The following HYDIN variants were observed in gnomAD, a reference collection of about 807,000 sequenced individuals.
The protein encoded by HYDIN is axonemal central pair apparatus protein HYDIN.
In HYDIN, 132 loss-of-function variants were observed where a neutral mutation model predicts 403.9. That is an observed-to-expected ratio of 0.33 (90% confidence interval 0.28 to 0.38). The LOEUF is 0.38. Ranked by LOEUF, HYDIN falls within the 10% of genes least tolerant of loss-of-function variation. The pLI is 1.00. For missense variants in HYDIN, 2,827 were observed against 5,009.5 expected (o/e 0.56, Z 13.15); for synonymous variants, 1,202 against 1,891.7 (o/e 0.64, Z 9.46).
At position 71,093,949 on chromosome 16, in the gene HYDIN, T is replaced by G; in HGVS notation, c.1328-14A>C. On this transcript the variant is annotated splice_polypyrimidine_tract_variant and intron_variant, in intron 10 of 85. Transcript: ENST00000393567. ...GGATTTCTCGGCCTAGAAAAACAAT[T>G]CAGACTTTATCATCCAAATGGTGCT... 1 of 1,613,008 alleles carries G rather than the reference T, an allele frequency of 6.2e-7. No individual in the cohort carries two copies. Among genetic ancestry groups the G allele is most frequent in the Non-Finnish European group, 8.5e-7 (1 of 1,179,364 alleles).
At position 70,897,296 on chromosome 16, in the gene HYDIN, C is replaced by T. The variant is rs1467393715; in HGVS notation, c.9049-1216G>A. 2.6e-5 allele frequency among the ~76,000 whole-genome samples: 4 copies of T among 152,280 alleles called. No homozygotes were observed. In the East Asian group the frequency reaches 7.7e-4, roughly 29 times the overall value. ...AGTGGGGGAAGCTCTCCTGGGTCTG[C>T]TCTGGGGAGTCCACCTCTGTCTCTG... On this transcript the variant is annotated intron_variant, in intron 53 of 85. Transcript: ENST00000393567.
At chr16:71,061,385 A>G (rs1166216160) in intron 17 of HYDIN, among the ~76,000 whole-genome samples, 1 of 152,256 alleles carries the variant, frequency 6.6e-6, no homozygotes, top group Non-Finnish European at 1.5e-5. Flanking sequence ...ACGCTGTCTA[A>G]GCAATCAGAG....
At chr16:70,811,450 T>TA (rs2035495127) in intron 84 of HYDIN, 1 of 152,190 alleles carries the variant, frequency 6.6e-6, no homozygotes, top group South Asian at 2.1e-4. Context: ...AAAAGTTTTT[T>TA]AAAAAAGAAA....
At position 70,915,834 on chromosome 16, in the gene HYDIN, TG is replaced by T. The variant is rs1418620344; in HGVS notation, c.8004+2376del. The stretch of plus-strand genomic sequence containing the variant: ...GTCTTGCTGTGGCTGCTGTGGAGGA[TG>T]GGGGTGAGGTTCCTAGGTCAATGGA... On this transcript the variant is annotated intron_variant, in intron 47 of 85. Transcript: ENST00000393567. 2.7e-5 allele frequency among the ~76,000 whole-genome samples: 4 copies of T among 146,586 alleles called. No homozygotes were observed. In the Admixed American group the frequency reaches 2.8e-4, roughly 10 times the overall value.
At chr16:70,937,697 C>A (rs1202346736) in intron 44 of HYDIN, among the ~76,000 whole-genome samples, 3 of 141,464 alleles carry the variant, frequency 2.1e-5, no homozygotes, top group Admixed American at 7.1e-5. Flanking sequence ...AAGATTAGGA[C>A]ATACTGTAGC....
intron 73 of HYDIN, among the ~76,000 whole-genome samples, chr16:70,854,199 C>A (rs547426324): frequency 6.6e-6 from 1 of 152,200 alleles, no homozygotes; most frequent in East Asian, 1.9e-4. Context: ...TTATTTCTTA[C>A]AACTACATGT....
At chr16:70,990,448 A>C (rs1290597048) in intron 25 of HYDIN, among the ~76,000 whole-genome samples, 3 of 136,916 alleles carry the variant, frequency 2.2e-5, no homozygotes, top group African/African-American at 8.0e-5. Flanking sequence ...GTCAGTGCTC[A>C]GTTAAGTGTT....
At chr16:70,837,069 A>G (rs1382319419) in intron 77 of HYDIN, among the ~76,000 whole-genome samples, 1 of 152,234 alleles carries the variant, frequency 6.6e-6, no homozygotes, top group Non-Finnish European at 1.5e-5. Context: ...CCTTCTATTA[A>G]AATACAGATA....
Position 70,835,026 on chromosome 16 carries a change from GTT to G in HYDIN, c.13401+648_13401+649del, listed in dbSNP as rs1244589779. Among the ~76,000 whole-genome samples the G allele has an allele frequency of 5.2e-3, 560 of 106,874 alleles. 1 individual carries two copies. The highest frequency in any genetic ancestry group is 0.018 in the African/African-American group (539 of 29,286). 70.1% of individuals were successfully genotyped at this position (106,874 alleles called of 152,430 possible). On this transcript the variant is annotated intron_variant, in intron 78 of 85. Transcript: ENST00000393567. ...TATATATACACACACATATATATATGTTTTTTTTTTTTTTGAGATGGAGTGCC... is the reference window on the plus strand; with the variant it reads ...TATATATACACACACATATATATATGTTTTTTTTTTTTGAGATGGAGTGCC...
rs1568091215 is a variant in HYDIN at position 71,064,752 on chromosome 16, G to A, written c.2164C>T (p.Leu722Phe). Reference protein sequence around the residue: ...LKYPYEKTLQLANQDDLPGFY... With the variant: ...LKYPYEKTLQFANQDDLPGFY... The stretch of plus-strand genomic sequence containing the variant: ...CCTGGGAGGTCATCTTGATTGGCAA[G>A]CTGGAGTGTTTTCTCATACGGGTAC... The change falls in exon 16 of 86, where the codon CTT (leucine) becomes TTT (phenylalanine). Residue 722 changes from leucine to phenylalanine, a missense_variant. Leu to Phe is a conservative substitution (Grantham distance 22). Coordinates refer to ENST00000393567, the MANE Select transcript of HYDIN (RefSeq NM_001270974.2). 16 of 1,614,112 alleles carry A rather than the reference G, an allele frequency of 9.9e-6. No individual in the cohort carries two copies. The highest frequency in any genetic ancestry group is 1.3e-5 in the Non-Finnish European group (15 of 1,180,008).
intron 56 of HYDIN, 29 bp downstream of exon 56, chr16:70,892,332 G>C: frequency 1.9e-6 from 3 of 1,565,124 alleles, no homozygotes; most frequent in African/African-American, 1.4e-5. Context: ...CTGCCATTGA[G>C]GCAGCCCCTC....
chr16:70,896,185 T>C lies in HYDIN; in HGVS notation c.9049-105A>G, dbSNP rs2076198216. 1.8e-5 allele frequency: 25 copies of C among 1,382,948 alleles called. No homozygotes were observed. In the South Asian group the frequency reaches 3.7e-4, roughly 20 times the overall value. The allele number at this position is 1,382,948 out of a possible 1,614,324, so 85.7% of individuals were successfully genotyped here. The stretch of plus-strand genomic sequence containing the variant: ...GGATACGGCAGGGAACGTTTTGAAG[T>C]GTATTCCCCTGTAGGTATTTTATCT... On this transcript the variant is annotated intron_variant, in intron 53 of 85. Transcript: ENST00000393567.
intron 9 of HYDIN, among the ~76,000 whole-genome samples, chr16:71,129,413 G>A (rs1347076740): frequency 1.3e-5 from 2 of 152,206 alleles, no homozygotes; most frequent in Admixed American, 6.5e-5. Context: ...CTAGGAAGTG[G>A]TTAACACAGT....
intron 27 of HYDIN, among the ~76,000 whole-genome samples, chr16:70,986,866 G>A (rs373062634): frequency 0.017 from 1,615 of 96,772 alleles, 8 homozygotes; most frequent in Middle Eastern, 0.073. Context: ...TGCATGAAGC[G>A]CTGGGGTGCA....
intron 1 of HYDIN, among the ~76,000 whole-genome samples, chr16:71,194,366 G>A (rs1439762532): frequency 5.9e-5 from 9 of 152,114 alleles, no homozygotes; most frequent in African/African-American, 9.7e-5. Flanking sequence ...AGCCAAGATC[G>A]CACCACTGCA....
At chr16:70,938,968 C>G (rs1433276013) in intron 43 of HYDIN, among the ~76,000 whole-genome samples, 2 of 152,140 alleles carry the variant, frequency 1.3e-5, no homozygotes, top group Non-Finnish European at 2.9e-5. Context: ...CCCAAAGATG[C>G]CCATATCAGA....
chr16:70,811,684 C>A (rs931045440), intron 84 of HYDIN, among the ~76,000 whole-genome samples: 1 of 151,234 alleles, frequency 6.6e-6, no homozygotes, highest in Non-Finnish European at 1.5e-5. Flanking sequence ...ATGGAGAAAC[C>A]CCGTCTCTAC....
At chr16:71,187,180 C>T (rs552405748) in intron 1 of HYDIN, among the ~76,000 whole-genome samples, 2 of 152,208 alleles carry the variant, frequency 1.3e-5, no homozygotes, top group East Asian at 1.9e-4. Context: ...CAAGTTACTT[C>T]TACATTTTGC....
At chr16:71,190,240 G>T (rs966819619) in intron 1 of HYDIN, among the ~76,000 whole-genome samples, 1 of 151,948 alleles carries the variant, frequency 6.6e-6, no homozygotes, top group African/African-American at 2.4e-5. Context: ...TTGGCACATT[G>T]TCTCATACCA....
Sources: allele counts gnomAD v4.1 joint callset (sites outside exome capture counted in the v4.1 genomes callset), GRCh38; gene constraint gnomAD v4.1.1; transcripts MANE v1.5; gene names NCBI Gene and HGNC (gene_info 2026-07-23, HGNC 2026-07-21).